The following BBS9 variants were observed in gnomAD, a reference collection of about 807,000 sequenced individuals.
BBS9 encodes the protein Bardet-Biedl syndrome 9.
In BBS9, 89 loss-of-function variants were observed where a neutral mutation model predicts 117.7. The observed-to-expected ratio is 0.76, with a 90% CI of 0.64 to 0.90. BBS9 has a LOEUF of 0.90. BBS9 is among the 40% of genes least tolerant of loss of function. The pLI is 0.00. For missense variants in BBS9, 982 were observed against 1,042.2 expected (o/e 0.94, Z 0.80); for synonymous variants, 379 against 370.9 (o/e 1.02, Z -0.25).
At chr7:33,296,076 T>G (rs888025671) in intron 9 of BBS9, among the ~76,000 whole-genome samples, 1 of 152,104 alleles carries the variant, frequency 6.6e-6, no homozygotes, top group Non-Finnish European at 1.5e-5. Flanking sequence ...AACCTACTTA[T>G]ACGTTGAAAT....
intron 5 of BBS9, among the ~76,000 whole-genome samples, chr7:33,202,729 C>T (rs1786104559): frequency 6.6e-6 from 1 of 152,114 alleles, no homozygotes; most frequent in Non-Finnish European, 1.5e-5. Context: ...GGGAGGTCTG[C>T]CCCCATGATC....
At chr7:33,578,604 A>G (rs1262235065) in intron 21 of BBS9, among the ~76,000 whole-genome samples, 1 of 152,220 alleles carries the variant, frequency 6.6e-6, no homozygotes, top group Non-Finnish European at 1.5e-5. Flanking sequence ...CAGAAGTTAC[A>G]TAGGAAGTTG....
chr7:33,356,749 A>G (rs1819679831), intron 15 of BBS9, among the ~76,000 whole-genome samples: 1 of 151,850 alleles, frequency 6.6e-6, no homozygotes, highest in Non-Finnish European at 1.5e-5. Flanking sequence ...TTAGCAAAAT[A>G]TATTGCTAAT....
intron 20 of BBS9, among the ~76,000 whole-genome samples, chr7:33,532,005 G>T (rs1415812593): frequency 6.6e-6 from 1 of 152,232 alleles, no homozygotes; most frequent in African/African-American, 2.4e-5. Context: ...ACCAAGAACA[G>T]TGTGGGGATG....
At chr7:33,222,298 AG>A (rs1425127751) in intron 5 of BBS9, among the ~76,000 whole-genome samples, 1 of 152,188 alleles carries the variant, frequency 6.6e-6, no homozygotes, top group Non-Finnish European at 1.5e-5. Context: ...TTAAGAGAAA[AG>A]TTTGAAGAAT....
chr7:33,566,900 C>G (rs1194994352), intron 21 of BBS9, among the ~76,000 whole-genome samples: 1 of 152,026 alleles, frequency 6.6e-6, no homozygotes, highest in Admixed American at 6.6e-5. Context: ...AAAGTGTAAA[C>G]AGCTAGAATT....
At chr7:33,503,602 T>G (rs955960115) in intron 19 of BBS9, among the ~76,000 whole-genome samples, 1 of 152,158 alleles carries the variant, frequency 6.6e-6, no homozygotes, top group African/African-American at 2.4e-5. Context: ...TTCCCTACAA[T>G]ACTTCCCGCA....
chr7:33,302,589 A>T (rs1806723844), intron 9 of BBS9, among the ~76,000 whole-genome samples: 2 of 151,902 alleles, frequency 1.3e-5, no homozygotes, highest in Admixed American at 6.6e-5. Flanking sequence ...TTCACTGTAG[A>T]TGTTTTGATT....
intron 20 of BBS9, among the ~76,000 whole-genome samples, chr7:33,521,426 T>A (rs75808549): frequency 1.4e-4 from 21 of 152,354 alleles, no homozygotes; most frequent in African/African-American, 5.1e-4. Context: ...CACACTGCTC[T>A]ACCGTTGGTT....
At chr7:33,441,319 C>A (rs142594828) in intron 19 of BBS9, among the ~76,000 whole-genome samples, 6 of 151,848 alleles carry the variant, frequency 4.0e-5, no homozygotes, top group African/African-American at 1.4e-4. Context: ...GGAGAAAGGT[C>A]TTTCAATCTT....
At chr7:33,194,392 C>T (rs575242467) in intron 5 of BBS9, among the ~76,000 whole-genome samples, 67 of 152,252 alleles carry the variant, frequency 4.4e-4, no homozygotes, top group Middle Eastern at 6.8e-3. Flanking sequence ...GCTTTATGGT[C>T]ACCATATTTT....
intron 19 of BBS9, among the ~76,000 whole-genome samples, chr7:33,397,996 A>G (rs1279544683): frequency 6.6e-6 from 1 of 152,176 alleles, no homozygotes; most frequent in East Asian, 1.9e-4. Context: ...GAAGAAAAAA[A>G]AATAAAAATT....
intron 5 of BBS9, among the ~76,000 whole-genome samples, chr7:33,206,168 C>T (rs1325478530): frequency 6.6e-6 from 1 of 152,154 alleles, no homozygotes; most frequent in African/African-American, 2.4e-5. Flanking sequence ...TCCCCAAGTA[C>T]TGTATCAGTT....
At chr7:33,456,328 A>C (rs1044486076) in intron 19 of BBS9, among the ~76,000 whole-genome samples, 1 of 152,204 alleles carries the variant, frequency 6.6e-6, no homozygotes, top group African/African-American at 2.4e-5. Flanking sequence ...AAAAATGTGC[A>C]TTTAATTAAG....
chr7:33,490,183 T>TA (rs1336008709), intron 19 of BBS9, among the ~76,000 whole-genome samples: 2 of 152,170 alleles, frequency 1.3e-5, no homozygotes, highest in African/African-American at 4.8e-5. Context: ...AAGGAAGAAA[T>TA]ACATGGGTTT....
intron 21 of BBS9, among the ~76,000 whole-genome samples, chr7:33,595,851 A>G (rs537519280): frequency 6.6e-6 from 1 of 152,304 alleles, no homozygotes; most frequent in African/African-American, 2.4e-5. Context: ...ATAAAAATGA[A>G]TGAGATCATG....
intron 4 of BBS9, among the ~76,000 whole-genome samples, chr7:33,171,288 G>A (rs1796528682): frequency 6.6e-6 from 1 of 151,824 alleles, no homozygotes; most frequent in Non-Finnish European, 1.5e-5. Context: ...AGAGCCCTCA[G>A]AAATAACGCC....
At chr7:33,390,266 C>T (rs868076172) in intron 19 of BBS9, 5 of 985,324 alleles carry the variant, frequency 5.1e-6, no homozygotes, top group Middle Eastern at 1.0e-3. Flanking sequence ...TTTAAAGGAA[C>T]TTGAAGAGGA....
chr7:33,137,144 C>T (rs1790616334), intron 1 of BBS9, among the ~76,000 whole-genome samples: 1 of 152,014 alleles, frequency 6.6e-6, no homozygotes, highest in African/African-American at 2.4e-5. Flanking sequence ...CGGAGGGGAC[C>T]GAGGTGTTAG....
Sources: allele counts gnomAD v4.1 joint callset (sites outside exome capture counted in the v4.1 genomes callset), GRCh38; gene constraint gnomAD v4.1.1; transcripts MANE v1.5; gene names NCBI Gene and HGNC (gene_info 2026-07-23, HGNC 2026-07-21).